Variants in RFX4 observed in about 807,000 individuals in gnomAD.
RFX4 encodes regulatory factor X4.
A neutral mutation model predicts 95.0 loss-of-function variants in RFX4; 10 were observed. The ratio of observed to expected loss-of-function variants is 0.11; its 90% CI spans 0.06 to 0.18. The LOEUF is 0.18. RFX4 is among the 10% of genes least tolerant of loss of function. The pLI is 1.00. For missense variants in RFX4, 640 were observed against 922.0 expected (o/e 0.69, Z 3.96); for synonymous variants, 321 against 340.7 (o/e 0.94, Z 0.64).
In RFX4 at chr12:106,720,951, G is replaced by A. The variant is rs1326742532; in HGVS notation, c.1351+75G>A. The A allele has an allele frequency of 4.7e-6, 6 of 1,278,314 alleles. No homozygotes were observed. The highest frequency in any genetic ancestry group is 6.8e-6 in the Non-Finnish European group (6 of 881,424). The allele number at this position is 1,278,314 out of a possible 1,614,324, so 79.2% of individuals were successfully genotyped here. Reference sequence around the variant, plus strand: ...ACGGAGCCCAGAGGAATCTACCACAGTCTAACTTGCTGTTTCTGCAAGGTC... The same window carrying A: ...ACGGAGCCCAGAGGAATCTACCACAATCTAACTTGCTGTTTCTGCAAGGTC... On this transcript the variant is annotated intron_variant, in intron 13 of 17. Transcript: ENST00000392842. The surrounding 1 kb of genome is among the most constrained non-coding windows in gnomAD (Gnocchi z 4.2).
At chr12:106,622,812 G>C (rs928626224) in intron 2 of RFX4, among the ~76,000 whole-genome samples, 9 of 146,790 alleles carry the variant, frequency 6.1e-5, no homozygotes, top group African/African-American at 2.3e-4. Context: ...GTAGAGATGG[G>C]GTTTCACCAT....
chr12:106,676,696 G>T (rs1172398877), intron 4 of RFX4, among the ~76,000 whole-genome samples: 1 of 152,106 alleles, frequency 6.6e-6, no homozygotes, highest in Non-Finnish European at 1.5e-5. Flanking sequence ...TTGGGTGCAG[G>T]GCCCTCAGAT....
chr12:106,687,886 T>C (rs2041693742), intron 6 of RFX4, among the ~76,000 whole-genome samples: 1 of 152,162 alleles, frequency 6.6e-6, no homozygotes, highest in Admixed American at 6.5e-5. Flanking sequence ...TCTGAATTGC[T>C]TTTCCACAGG....
At chr12:106,662,216 C>T (rs907207213) in intron 4 of RFX4, 15 of 405,968 alleles carry the variant, frequency 3.7e-5, no homozygotes, top group Non-Finnish European at 5.9e-5. Flanking sequence ...TACATCCTCA[C>T]CAGCATTTGG....
chr12:106,603,695 T>G (rs1391500812), intron 1 of RFX4, among the ~76,000 whole-genome samples: 1 of 152,248 alleles, frequency 6.6e-6, no homozygotes, highest in Admixed American at 6.5e-5. Context: ...CTGAACTCTC[T>G]TTCTCCTATG....
At chr12:106,624,226 G>A (rs1368096716) in intron 2 of RFX4, among the ~76,000 whole-genome samples, 3 of 152,222 alleles carry the variant, frequency 2.0e-5, no homozygotes, top group Admixed American at 6.5e-5. Context: ...TTTGTCCAAA[G>A]AATAAGATTA....
At chr12:106,724,429 C>T (rs772261177) in intron 13 of RFX4, among the ~76,000 whole-genome samples, 3 of 152,106 alleles carry the variant, frequency 2.0e-5, no homozygotes, top group Non-Finnish European at 4.4e-5. Flanking sequence ...CAGATGCATG[C>T]CACAATAGAG....
intron 4 of RFX4, among the ~76,000 whole-genome samples, chr12:106,671,706 G>A (rs988162340): frequency 6.6e-6 from 1 of 152,020 alleles, no homozygotes; most frequent in African/African-American, 2.4e-5. Context: ...CTGTCACCCA[G>A]GCTGGAGTGC....
intron 4 of RFX4, among the ~76,000 whole-genome samples, chr12:106,663,756 GTT>G (rs551357817): frequency 5.0e-5 from 7 of 138,720 alleles, no homozygotes; most frequent in Non-Finnish European, 9.5e-5. Context: ...TGCAGAAAGC[GTT>G]TTTTTTTTTT....
chr12:106,621,793 TGGAAAGATCTTTCG>T (rs200034789), intron 2 of RFX4, among the ~76,000 whole-genome samples: 1,645 of 152,326 alleles, frequency 0.011, 14 homozygotes, highest in Admixed American at 0.019. Flanking sequence ...TGTAGCAATT[TGGAAAGATCTTTCG>T]GGAAAGATCT....
rs147778479 is a variant in RFX4 at position 106,711,944 on chromosome 12, G to A, written c.993+433G>A. 2.6e-5 allele frequency among the ~76,000 whole-genome samples: 4 copies of A among 152,258 alleles called. No homozygotes were observed. In the East Asian group the frequency reaches 7.7e-4, roughly 29 times the overall value. ...TTTAGCACAAAAGTGACATATGCTT[G>A]CTTTCAAAAACATTTAAAAATATAA... On this transcript the variant is annotated intron_variant, in intron 10 of 17. Transcript: ENST00000392842.
At chr12:106,595,844 A>G (rs1016879444) in intron 1 of RFX4, among the ~76,000 whole-genome samples, 2 of 152,304 alleles carry the variant, frequency 1.3e-5, no homozygotes, top group African/African-American at 4.8e-5. Flanking sequence ...CATGGGCTGG[A>G]TATATGAACT....
In RFX4 at chr12:106,630,967, G is replaced by T. The variant is rs2040406848; in HGVS notation, c.131-8365G>T. ...TTGACATCAACTAGCCTGGGTCCTT[G>T]TCTTTGCTCTGCCACTCACTATGTG... On this transcript the variant is annotated intron_variant, in intron 2 of 17. Transcript: ENST00000392842. Among the ~76,000 whole-genome samples the T allele has an allele frequency of 2.6e-5, 4 of 152,312 alleles. No homozygotes were observed. The South Asian group carries it at 8.3e-4, about 32-fold the overall frequency.
intron 3 of RFX4, among the ~76,000 whole-genome samples, chr12:106,649,054 A>G (rs1301416640): frequency 6.6e-6 from 1 of 152,156 alleles, no homozygotes; most frequent in Non-Finnish European, 1.5e-5. Context: ...TCAAGTTGTT[A>G]AATAGAAGAT....
chr12:106,686,866 C>T lies in RFX4; in HGVS notation c.378-18C>T, dbSNP rs1461814966. ...TTTTTTTTTTTTCTCTCTCTCCCTC[C>T]CTCCCCTTGTGGCCCAGGTACCATT... On this transcript the variant is annotated intron_variant, in intron 5 of 17. Transcript: ENST00000392842. 3 of 1,604,224 alleles carry T rather than the reference C, an allele frequency of 1.9e-6. No homozygotes were observed. The highest frequency in any genetic ancestry group is 2.6e-6 in the Non-Finnish European group (3 of 1,172,152).
intron 13 of RFX4, among the ~76,000 whole-genome samples, chr12:106,725,146 A>T (rs2042469321): frequency 6.6e-6 from 1 of 152,042 alleles, no homozygotes; most frequent in African/African-American, 2.4e-5. Context: ...ATGTTTATGG[A>T]TTTTGCAAGT....
Position 106,719,083 on chromosome 12 carries a change from C to T in RFX4, c.1139-877C>T, listed in dbSNP as rs569316882. Among the ~76,000 whole-genome samples, 8 of 152,140 alleles carry T rather than the reference C, an allele frequency of 5.3e-5. No individual in the cohort carries two copies. The South Asian group carries it at 6.2e-4, about 12-fold the overall frequency. ...CTTGCAGTGAGCCGAGATTGCGCCA[C>T]TGCACTCCAGCCTGGGCAACAAGGC... On this transcript the variant is annotated intron_variant, in intron 11 of 17. Coordinates refer to ENST00000392842, the MANE Select transcript of RFX4 (RefSeq NM_213594.3).
intron 2 of RFX4, among the ~76,000 whole-genome samples, chr12:106,632,059 A>G (rs1247542650): frequency 6.6e-6 from 1 of 152,212 alleles, no homozygotes; most frequent in African/African-American, 2.4e-5. Context: ...GAGGAACCAA[A>G]ATGTTGTTCA....
In RFX4 at chr12:106,732,116, CT is replaced by C. The variant is rs2042624617; in HGVS notation, c.1352-7del. 5 of 1,611,526 alleles carry C rather than the reference CT, an allele frequency of 3.1e-6. No homozygotes were observed. In the South Asian group the frequency reaches 3.3e-5, roughly 11 times the overall value. On this transcript the variant is annotated splice_polypyrimidine_tract_variant and intron_variant, in intron 13 of 17. Coordinates refer to ENST00000392842, the MANE Select transcript of RFX4 (RefSeq NM_213594.3). ...AGCACGACTTACTTTCTGTTTGATC[CT>C]TTTTTTCACCAGGGTCTTTTCACCT...
Sources: gnomAD v4.1 joint callset for allele counts (sites outside exome capture counted in the v4.1 genomes callset) on GRCh38, gnomAD v4.1.1 for gene constraint, Gnocchi (gnomAD v3.1) non-coding constraint, MANE v1.5 for transcripts, NCBI Gene and HGNC (gene_info 2026-07-23, HGNC 2026-07-21) for gene names.